FAM20C: variants seen among roughly 807,000 people sequenced by gnomAD.
FAM20C encodes extracellular serine/threonine protein kinase FAM20C.
A neutral mutation model predicts 51.5 loss-of-function variants in FAM20C; 40 were observed. That is an observed-to-expected ratio of 0.78 (90% CI 0.60 to 1.01). The LOEUF (loss-of-function observed/expected upper bound fraction) is 1.01, where lower values mean the gene tolerates loss of function less well. FAM20C is among the 50% of genes least tolerant of loss of function. FAM20C has a pLI of 0.00. For synonymous variants in FAM20C, 406 were observed against 380.6 expected, an observed-to-expected ratio of 1.07 and a Z score of -0.78; for missense variants, 861 against 844.7, an observed-to-expected ratio of 1.02 and a Z score of -0.24.
At chr7:249,026 A>G (rs918134318) in intron 5 of FAM20C, among the ~76,000 whole-genome samples, 4 of 149,634 alleles carry the variant, frequency 2.7e-5, no homozygotes, top group African/African-American at 7.3e-5. Context: ...GGTTTAACCA[A>G]TGTCCTTCTG....
rs372516634 is a variant in FAM20C at position 217,230 on chromosome 7, G to C, written c.863+8254G>C. 9.9e-5 allele frequency among the ~76,000 whole-genome samples: 15 copies of C among 152,244 alleles called. No individual in the cohort carries two copies. The East Asian group carries it at 2.3e-3, about 24-fold the overall frequency. On this transcript the variant is annotated intron_variant, in intron 3 of 9. Coordinates refer to ENST00000313766, the MANE Select transcript of FAM20C (RefSeq NM_020223.4). ...GGGAGGCGGACACAGCTTTGGCCTC[G>C]GACTTGCAGCTGCGTGGGGCCTTCT...
In FAM20C at chr7:208,995, G is replaced by T; in HGVS notation, c.863+19G>T. 6.4e-7 allele frequency: 1 copy of T among 1,567,228 alleles called. No individual in the cohort carries two copies. Among genetic ancestry groups the T allele is most frequent in the East Asian group, 2.4e-5 (1 of 42,148 alleles). ...CCATGAAGTAAGTGCCGAGGCCTGT[G>T]GGCTGGGGCGTGAGGAGCTGGAGCT... On this transcript the variant is annotated intron_variant, in intron 3 of 9. Coordinates refer to ENST00000313766, the MANE Select transcript of FAM20C (RefSeq NM_020223.4).
intron 3 of FAM20C, among the ~76,000 whole-genome samples, chr7:234,845 G>C (rs1787803112): frequency 6.6e-6 from 1 of 152,128 alleles, no homozygotes; most frequent in Admixed American, 6.5e-5. Context: ...CCGTTTCTCC[G>C]AGATGAGTCC....
intron 3 of FAM20C, among the ~76,000 whole-genome samples, chr7:212,174 C>T (rs1442774905): frequency 6.6e-6 from 1 of 152,234 alleles, no homozygotes; most frequent in East Asian, 1.9e-4. Context: ...TAATAGTTCT[C>T]TTTAAAGGCC....
chr7:233,602 C>T (rs1583320474), intron 3 of FAM20C, among the ~76,000 whole-genome samples: 1 of 152,178 alleles, frequency 6.6e-6, no homozygotes, highest in African/African-American at 2.4e-5. Context: ...GCGTTGGCGG[C>T]TGGGGTCCCT....
intron 3 of FAM20C, among the ~76,000 whole-genome samples, chr7:209,253 C>G (rs1786591659): frequency 6.6e-6 from 1 of 152,194 alleles, no homozygotes; most frequent in Non-Finnish European, 1.5e-5. Flanking sequence ...GTATTTTAAA[C>G]AAGTAACCTG....
chr7:212,477 T>C (rs1786768286), intron 3 of FAM20C, among the ~76,000 whole-genome samples: 1 of 152,294 alleles, frequency 6.6e-6, no homozygotes, highest in Non-Finnish European at 1.5e-5. Flanking sequence ...AAAAAAGTTT[T>C]CTTTAGTAAA....
Position 235,576 on chromosome 7 carries a change from C to T in FAM20C, c.864-10839C>T, listed in dbSNP as rs1200121910. On this transcript the variant is annotated intron_variant, in intron 3 of 9. Coordinates refer to ENST00000313766, the MANE Select transcript of FAM20C (RefSeq NM_020223.4). The stretch of plus-strand genomic sequence containing the variant: ...GTCACATAAAAAGCAAAACCAGACC[C>T]CCTCCCTGAGCCCTGCCGAGGAGGT... Among the ~76,000 whole-genome samples, 3 of 152,240 alleles carry T rather than the reference C, an allele frequency of 2.0e-5. No individual in the cohort carries two copies. In the East Asian group the frequency reaches 5.8e-4, roughly 29 times the overall value.
intron 3 of FAM20C, among the ~76,000 whole-genome samples, chr7:231,206 G>T (rs1490242468): frequency 2.0e-5 from 3 of 152,282 alleles, no homozygotes; most frequent in African/African-American, 7.2e-5. Flanking sequence ...GAGTGGGTGC[G>T]CTGGGGGGTC....
intron 2 of FAM20C, among the ~76,000 whole-genome samples, chr7:203,988 T>C (rs909200714): frequency 6.6e-6 from 1 of 152,226 alleles, no homozygotes; most frequent in Non-Finnish European, 1.5e-5. Context: ...CTAAAAAATG[T>C]AGTCACTATT....
intron 8 of FAM20C, chr7:257,440 G>A (rs1037147925): frequency 1.7e-5 from 4 of 232,358 alleles, no homozygotes; most frequent in African/African-American, 9.1e-5. Flanking sequence ...AGCCAGCGGG[G>A]GATAGGCGGC....
At chr7:218,008 C>T (rs1410584686) in intron 3 of FAM20C, among the ~76,000 whole-genome samples, 3 of 152,234 alleles carry the variant, frequency 2.0e-5, no homozygotes, top group Admixed American at 6.5e-5. Flanking sequence ...CCGTCGGCCC[C>T]GGGATGCTTT....
intron 4 of FAM20C, 32 bp from the exon 5 acceptor site, chr7:248,283 G>A (rs1297830856): frequency 6.7e-7 from 1 of 1,490,888 alleles, no homozygotes; most frequent in Non-Finnish European, 9.0e-7. Flanking sequence ...GCCGCACAGA[G>A]CACAGACCAT....
At chr7:245,168 G>A (rs1339428700) in intron 3 of FAM20C, among the ~76,000 whole-genome samples, 2 of 152,246 alleles carry the variant, frequency 1.3e-5, no homozygotes, top group African/African-American at 4.8e-5. Flanking sequence ...CGGGGAAGCC[G>A]AGGGCTGGGA....
chr7:214,544 G>A (rs1006179226), intron 3 of FAM20C, among the ~76,000 whole-genome samples: 17 of 152,188 alleles, frequency 1.1e-4, no homozygotes, highest in Non-Finnish European at 1.8e-4. Context: ...GGAACGGTGC[G>A]GCTTTAGGAA....
chr7:220,644 C>T (rs1200405730), intron 3 of FAM20C, among the ~76,000 whole-genome samples: 2 of 152,184 alleles, frequency 1.3e-5, no homozygotes, highest in Non-Finnish European at 2.9e-5. Context: ...GCATGGTCGG[C>T]AGCAGGGGGC....
Position 260,199 on chromosome 7 carries a change from ACGGACAGAGGCGGCCGGCGC to A in FAM20C, c.*224_*243del, listed in dbSNP as rs1022889793. ...TGGGAAGGAAGCGCTGTCTGTGCTC[ACGGACAGAGGCGGCCGGCGC>A]CGGAGGCATTCCATCCTTTCTGTAG... On this transcript the variant is annotated 3_prime_UTR_variant, in exon 10 of 10. Transcript: ENST00000313766. The A allele has an allele frequency of 6.6e-6, 4 of 605,960 alleles. No individual in the cohort carries two copies. The highest frequency in any genetic ancestry group is 3.6e-5 in the Admixed American group (1 of 27,636). The allele number at this position is 605,960 out of a possible 1,614,324, so 37.5% of individuals were successfully genotyped here. A position where few individuals can be genotyped will look rare whatever the true frequency, so the allele number is the denominator to read the frequency against.
chr7:219,766 A>G (rs1023203127), intron 3 of FAM20C, among the ~76,000 whole-genome samples: 1 of 152,208 alleles, frequency 6.6e-6, no homozygotes, highest in African/African-American at 2.4e-5. Flanking sequence ...CTCTTCTCCT[A>G]GAGCCCATGA....
chr7:237,544 T>C (rs1009817571), intron 3 of FAM20C, among the ~76,000 whole-genome samples: 117 of 151,438 alleles, frequency 7.7e-4, no homozygotes, highest in African/African-American at 2.8e-3. Flanking sequence ...TGATGACGGT[T>C]ACGTTGGTGG....
Sources: allele counts gnomAD v4.1 joint callset (sites outside exome capture counted in the v4.1 genomes callset), GRCh38; gene constraint gnomAD v4.1.1; transcripts MANE v1.5; gene names NCBI Gene and HGNC (gene_info 2026-07-23, HGNC 2026-07-21).